The following TTLL6 variants were observed in gnomAD, a reference collection of about 807,000 sequenced individuals.
The protein encoded by TTLL6 is tubulin polyglutamylase TTLL6.
In TTLL6, 75 loss-of-function variants were observed where a neutral mutation model predicts 96.4. The ratio of observed to expected loss-of-function variants is 0.78; its 90% CI spans 0.65 to 0.94. The LOEUF (loss-of-function observed/expected upper bound fraction) is 0.94, where lower values mean the gene tolerates loss of function less well. TTLL6 is among the 40% of genes least tolerant of loss of function. The pLI is 0.00. For missense variants in TTLL6, 1,030 were observed against 1,093.0 expected, an observed-to-expected ratio of 0.94 and a Z score of 0.81; for synonymous variants, 411 against 419.4, an observed-to-expected ratio of 0.98 and a Z score of 0.24.
At chr17:48,789,256 A>G (rs1043548982) in intron 10 of TTLL6, among the ~76,000 whole-genome samples, 2 of 152,244 alleles carry the variant, frequency 1.3e-5, no homozygotes, top group African/African-American at 4.8e-5. Context: ...AGGAATATTC[A>G]GAGTAAAACT....
At chr17:48,794,250 C>T in intron 8 of TTLL6, 1 of 1,613,968 alleles carries the variant, frequency 6.2e-7, no homozygotes, top group Non-Finnish European at 8.5e-7. Context: ...GCCGAGGGCC[C>T]AGGGCCTGCT....
chr17:48,780,127 T>A (rs753724840), intron 13 of TTLL6, among the ~76,000 whole-genome samples: 1 of 152,012 alleles, frequency 6.6e-6, no homozygotes, highest in South Asian at 2.1e-4. Flanking sequence ...TATAATCAAA[T>A]CATATTTAAA....
At chr17:48,771,183 A>G (rs2038736936) in intron 13 of TTLL6, among the ~76,000 whole-genome samples, 1 of 152,170 alleles carries the variant, frequency 6.6e-6, no homozygotes, top group African/African-American at 2.4e-5. Flanking sequence ...TGACTGATAA[A>G]CTACACATGC....
chr17:48,794,190 C>G (rs762427232), intron 8 of TTLL6: 1 of 1,613,906 alleles, frequency 6.2e-7, no homozygotes, highest in South Asian at 1.1e-5. Flanking sequence ...ACACTTGAAG[C>G]CTTGCAACCT....
At chr17:48,785,808 A>G (rs2039080003) in intron 12 of TTLL6, among the ~76,000 whole-genome samples, 1 of 152,114 alleles carries the variant, frequency 6.6e-6, no homozygotes, top group South Asian at 2.1e-4. Flanking sequence ...AGAGGGGAGC[A>G]TTCCAACCCA....
In TTLL6 at chr17:48,804,978, G is replaced by A. The variant is rs2039485072; in HGVS notation, c.117C>T (p.Phe39=). The A allele has an allele frequency of 1.9e-6, 3 of 1,551,366 alleles. No homozygotes were observed. Among genetic ancestry groups the A allele is most frequent in the Admixed American group, 2.0e-5 (1 of 50,966 alleles). The change falls in exon 2 of 16, where the codon TTC becomes TTT. Residue 39 remains phenylalanine, a synonymous_variant. Coordinates refer to ENST00000393382, the MANE Select transcript of TTLL6 (RefSeq NM_001130918.3). ...CCCTGGCCTGGGAGGAGGCTCTGGG[G>A]AAATACCAGGCCCCTAGAGAGAGGG... ...GGVGIAGAWY[F]PRASSQAREM... is the part of the protein sequence containing the mutation.
At chr17:48,816,741 G>A (rs1273327947) in intron 1 of TTLL6, among the ~76,000 whole-genome samples, 2 of 152,178 alleles carry the variant, frequency 1.3e-5, no homozygotes, top group East Asian at 3.9e-4. Flanking sequence ...TCGGGGGAGG[G>A]CGGGAAATGA....
chr17:48,797,311 T>G, intron 6 of TTLL6, 107 bp from the exon 7 acceptor site: 5 of 1,243,238 alleles, frequency 4.0e-6, no homozygotes, highest in Non-Finnish European at 5.5e-6. Flanking sequence ...CATTGCCTAG[T>G]GTTGTGGAGG....
chr17:48,789,960 G>A lies in TTLL6; in HGVS notation c.1371C>T (p.Phe457=). The A allele has an allele frequency of 6.2e-7, 1 of 1,614,162 alleles. No individual in the cohort carries two copies. ...VLEEERQRGQ[F]LQQCCSREMR... is the part of the protein sequence containing the mutation. Reference sequence around the variant, plus strand: ...TCTCCCGAGAACAACACTGCTGCAGGAACTGCCCCCGTTGTCTCTCCTCCT... The same window carrying A: ...TCTCCCGAGAACAACACTGCTGCAGAAACTGCCCCCGTTGTCTCTCCTCCT... Residue 457 remains phenylalanine, a synonymous_variant, in exon 10 of 16, where the codon TTC becomes TTT. Coordinates refer to ENST00000393382, the MANE Select transcript of TTLL6 (RefSeq NM_001130918.3).
intron 7 of TTLL6, 51 bp downstream of exon 7, chr17:48,797,010 T>C (rs1468446481): frequency 1.4e-6 from 2 of 1,464,144 alleles, no homozygotes; most frequent in African/African-American, 2.9e-5. Flanking sequence ...ATTTTTTTTT[T>C]TTTAATCACG....
chr17:48,767,770 C>T (rs1338528430), intron 15 of TTLL6, among the ~76,000 whole-genome samples: 1 of 152,136 alleles, frequency 6.6e-6, no homozygotes, highest in African/African-American at 2.4e-5. Flanking sequence ...AGACGGAGGG[C>T]ATCTTACCAT....
rs1453342903 is a variant in TTLL6, at chr17:48,816,821, C to A, written c.103+149G>T. ...GGACCGTGAGGGTGAGTGCCTGGCGCCATGGAACGCCACCAGGGAGGGCAG... is the reference window on the plus strand; with the variant it reads ...GGACCGTGAGGGTGAGTGCCTGGCGACATGGAACGCCACCAGGGAGGGCAG... On this transcript the variant is annotated intron_variant, in intron 1 of 15. Coordinates refer to ENST00000393382, the MANE Select transcript of TTLL6 (RefSeq NM_001130918.3). 22 of 543,916 alleles carry A rather than the reference C, an allele frequency of 4.0e-5. No homozygotes were observed. In the Admixed American group the frequency reaches 8.6e-4, roughly 21 times the overall value. 33.7% of individuals were successfully genotyped at this position (543,916 alleles called of 1,614,324 possible).
intron 1 of TTLL6, among the ~76,000 whole-genome samples, chr17:48,808,462 G>T (rs2039536608): frequency 6.6e-6 from 1 of 152,076 alleles, no homozygotes; most frequent in African/African-American, 2.4e-5. Flanking sequence ...TTCCCAGAGG[G>T]ATTGCAATAA....
intron 1 of TTLL6, among the ~76,000 whole-genome samples, chr17:48,805,609 T>C (rs1338826792): frequency 1.3e-5 from 2 of 152,010 alleles, no homozygotes; most frequent in African/African-American, 4.8e-5. Context: ...AATTATAAAA[T>C]ACATGTAAGG....
rs763618480 is a variant in TTLL6, at chr17:48,789,980, C to A, written c.1351G>T (p.Glu451Ter). Residue 451 changes from glutamate to a stop codon, truncating the protein, a stop_gained, in exon 10 of 16, where the codon GAG (glutamate) becomes TAG (stop). Transcript: ENST00000393382. LOFTEE classifies it high-confidence loss of function. ...TGCAGGAACTGCCCCCGTTGTCTCT[C>A]CTCCTCCAAGACTTTCTTCTTGTCA... ...SCDKKKVLEE[E>*]RQRGQFLQQC... 1.2e-6 allele frequency: 2 copies of A among 1,614,192 alleles called. No homozygotes were observed. Among genetic ancestry groups the A allele is most frequent in the Non-Finnish European group, 1.7e-6 (2 of 1,180,030 alleles).
At position 48,812,876 on chromosome 17, in the gene TTLL6, A is replaced by G. The variant is rs7207608; in HGVS notation, c.103+4094T>C. Among the ~76,000 whole-genome samples the G allele has an allele frequency of 3.4e-3, 516 of 152,348 alleles. 5 individuals are homozygous for G. The highest frequency in any genetic ancestry group is 0.011 in the African/African-American group (471 of 41,586). ...TAGGTAAGTAACATTTGTTATTTAC[A>G]TTGTTAAAACATCAACCTTGGGTCC... On this transcript the variant is annotated intron_variant, in intron 1 of 15. Coordinates refer to ENST00000393382, the MANE Select transcript of TTLL6 (RefSeq NM_001130918.3).
At position 48,804,926 on chromosome 17, in the gene TTLL6, T is replaced by G; in HGVS notation, c.169A>C (p.Ser57Arg). The G allele has an allele frequency of 6.8e-7, 1 of 1,470,996 alleles. No individual in the cohort carries two copies. The highest frequency in any genetic ancestry group is 9.2e-7 in the Non-Finnish European group (1 of 1,084,760). 91.1% of individuals were successfully genotyped at this position (1,470,996 alleles called of 1,614,324 possible). The change falls in exon 2 of 16, where the codon AGC becomes CGC. Residue 57 changes from serine (S) to arginine (R), a missense_variant. By Grantham distance (110) the Ser-to-Arg change is moderately radical. Coordinates refer to ENST00000393382, the MANE Select transcript of TTLL6 (RefSeq NM_001130918.3). The stretch of plus-strand genomic sequence containing the variant: ...TCTTCGGAGTTTTCCCCTTCCTGGC[T>G]TTCCAAAGTCGGGCACTGTGGCATC... ...REMPQCPTLE[S>R]QEGENSEEKG...
rs2039573913 is a variant in TTLL6 at position 48,810,823 on chromosome 17, GTGTATATATATA to G, written c.104-5844_104-5833del. 1.1e-4 allele frequency among the ~76,000 whole-genome samples: 7 copies of G among 65,822 alleles called. 1 individual carries two copies. Among genetic ancestry groups the G allele is most frequent in the African/African-American group, 4.2e-4 (7 of 16,636 alleles). 43.2% of individuals were successfully genotyped at this position (65,822 alleles called of 152,430 possible). On this transcript the variant is annotated intron_variant, in intron 1 of 15. Coordinates refer to ENST00000393382, the MANE Select transcript of TTLL6 (RefSeq NM_001130918.3). The stretch of plus-strand genomic sequence containing the variant: ...ATATATACACATATATAGTATGTGT[GTGTATATATATA>G]TATATATATATATATATATAGTATG...
intron 13 of TTLL6, among the ~76,000 whole-genome samples, chr17:48,778,333 GAGAAAGGA>G (rs138472772): frequency 0.3 from 43,992 of 148,256 alleles, 6,606 homozygotes; most frequent in Admixed American, 0.4. Context: ...GGGAGGGAGG[GAGAAAGGA>G]AGGAAGGAAG....
Sources: allele counts gnomAD v4.1 joint callset (sites outside exome capture counted in the v4.1 genomes callset), GRCh38; gene constraint gnomAD v4.1.1; transcripts MANE v1.5; gene names NCBI Gene and HGNC (gene_info 2026-07-23, HGNC 2026-07-21).